Variants in CCDC178 observed in about 807,000 individuals in gnomAD.
CCDC178 encodes coiled-coil domain containing 178, also known as coiled-coil domain-containing protein 178.
In CCDC178, 126 loss-of-function variants were observed where a neutral mutation model predicts 117.4. That is an observed-to-expected ratio of 1.07 (90% CI 0.93 to 1.24). CCDC178 has a LOEUF of 1.24. Among genes scored for constraint, CCDC178 ranks in the 50% most tolerant of loss-of-function variants. The pLI is 0.00. For synonymous variants in CCDC178, 283 were observed against 313.4 expected (o/e 0.90, Z 1.02); for missense variants, 1,030 against 986.9 (o/e 1.04, Z -0.59).
intron 14 of CCDC178, among the ~76,000 whole-genome samples, chr18:33,261,424 CCT>C (rs2059749317): frequency 2.7e-5 from 4 of 150,806 alleles, no homozygotes; most frequent in Admixed American, 6.6e-5. Flanking sequence ...GGTATGCCCC[CCT>C]CTATTGATTT....
At chr18:33,063,014 T>C (rs1378141050) in intron 21 of CCDC178, among the ~76,000 whole-genome samples, 4 of 152,176 alleles carry the variant, frequency 2.6e-5, no homozygotes, top group East Asian at 1.9e-4. Flanking sequence ...CCATCTGCCC[T>C]GGGCCACTGA....
At chr18:33,113,902 G>A (rs1256610061) in intron 20 of CCDC178, among the ~76,000 whole-genome samples, 1 of 151,980 alleles carries the variant, frequency 6.6e-6, no homozygotes, top group Non-Finnish European at 1.5e-5. Flanking sequence ...GTGACCAAAG[G>A]TCATTACAGA....
At chr18:33,029,619 T>C (rs1313603849) in intron 21 of CCDC178, among the ~76,000 whole-genome samples, 1 of 151,996 alleles carries the variant, frequency 6.6e-6, no homozygotes, top group Non-Finnish European at 1.5e-5. Context: ...TTCTTGTTCA[T>C]GTAGGCATTT....
At chr18:33,009,563 T>C (rs910760809) in intron 21 of CCDC178, among the ~76,000 whole-genome samples, 2 of 152,076 alleles carry the variant, frequency 1.3e-5, no homozygotes, top group Non-Finnish European at 2.9e-5. Flanking sequence ...TTATTAAAAC[T>C]ACTCCTTCTC....
chr18:33,003,409 A>C (rs2055682585), intron 21 of CCDC178, among the ~76,000 whole-genome samples: 1 of 152,198 alleles, frequency 6.6e-6, no homozygotes, highest in African/African-American at 2.4e-5. Context: ...GTGATACATC[A>C]TGTCAACAGA....
chr18:33,046,525 C>CAA (rs10648309), intron 21 of CCDC178, among the ~76,000 whole-genome samples: 17,074 of 151,344 alleles, frequency 0.11, 1,336 homozygotes, highest in African/African-American at 0.23. Flanking sequence ...TAAGTATAAG[C>CAA]AAAAAAATAA....
chr18:33,199,192 G>T (rs551366022), intron 20 of CCDC178, among the ~76,000 whole-genome samples: 85 of 151,830 alleles, frequency 5.6e-4, no homozygotes, highest in African/African-American at 2.0e-3. Flanking sequence ...ATACTAGAAG[G>T]TTTAATTGCA....
intron 20 of CCDC178, among the ~76,000 whole-genome samples, chr18:33,202,846 C>T (rs1035066814): frequency 6.6e-6 from 1 of 152,246 alleles, no homozygotes; most frequent in African/African-American, 2.4e-5. Context: ...CCTGTATTCT[C>T]AGCCTTATCT....
chr18:33,148,466 T>G, intron 20 of CCDC178, among the ~76,000 whole-genome samples: 1 of 147,622 alleles, frequency 6.8e-6, no homozygotes. Context: ...AGGGAGACCG[T>G]GGGGAGAGGG....
At chr18:32,974,227 T>C (rs988371458) in intron 22 of CCDC178, among the ~76,000 whole-genome samples, 1 of 152,178 alleles carries the variant, frequency 6.6e-6, no homozygotes, top group African/African-American at 2.4e-5. Flanking sequence ...CAAGGTATCT[T>C]GTGTCAACAT....
At chr18:33,200,559 C>A (rs1318249006) in intron 20 of CCDC178, among the ~76,000 whole-genome samples, 3 of 152,188 alleles carry the variant, frequency 2.0e-5, no homozygotes. Flanking sequence ...GATCTACAAA[C>A]GCTATAAACC....
intron 9 of CCDC178, among the ~76,000 whole-genome samples, chr18:33,342,625 G>C (rs1346140000): frequency 6.6e-6 from 1 of 152,046 alleles, no homozygotes. Flanking sequence ...CATACTCCTG[G>C]GAAGGTGCTA....
At chr18:33,053,500 T>C (rs1346561099) in intron 21 of CCDC178, among the ~76,000 whole-genome samples, 1 of 152,154 alleles carries the variant, frequency 6.6e-6, no homozygotes, top group Non-Finnish European at 1.5e-5. Context: ...GAATTAAGAA[T>C]ATGTTCAGTT....
At chr18:33,405,709 T>C (rs1020328670) in intron 3 of CCDC178, among the ~76,000 whole-genome samples, 1 of 152,056 alleles carries the variant, frequency 6.6e-6, no homozygotes, top group African/African-American at 2.4e-5. Flanking sequence ...AGAAAGTAGA[T>C]GTAGTACAAC....
intron 9 of CCDC178, 145 bp downstream of exon 9, chr18:33,346,066 G>GATCC: frequency 1.8e-6 from 1 of 555,820 alleles, no homozygotes; most frequent in African/African-American, 1.9e-5. Context: ...GGGCTCAAGT[G>GATCC]ATCCGCATCC....
At position 33,085,286 on chromosome 18, in the gene CCDC178, G is replaced by C. The variant is rs564019795; in HGVS notation, c.2388+7475C>G. 4.6e-5 allele frequency among the ~76,000 whole-genome samples: 7 copies of C among 152,310 alleles called. No homozygotes were observed. The East Asian group carries it at 1.4e-3, about 29-fold the overall frequency. ...ATATTTAAAACGTATTTTTGGGGCC[G>C]GGTACGGTGGCTCACGCCTGTAATC... On this transcript the variant is annotated intron_variant, in intron 21 of 22. Transcript: ENST00000383096.
intron 20 of CCDC178, among the ~76,000 whole-genome samples, chr18:33,165,562 T>A (rs535547660): frequency 1.3e-5 from 2 of 152,350 alleles, no homozygotes; most frequent in African/African-American, 4.8e-5. Flanking sequence ...AATTTTCATT[T>A]GAAAGCTCAA....
At chr18:33,005,515 G>T (rs2055728591) in intron 21 of CCDC178, among the ~76,000 whole-genome samples, 1 of 151,964 alleles carries the variant, frequency 6.6e-6, no homozygotes, top group Non-Finnish European at 1.5e-5. Context: ...TAAAAATATA[G>T]TTAGATAAAA....
chr18:33,156,139 A>C lies in CCDC178; in HGVS notation c.2238+55757T>G, dbSNP rs1338276583. Among the ~76,000 whole-genome samples the C allele has an allele frequency of 3.4e-5, 4 of 116,368 alleles. No homozygotes were observed. The East Asian group carries it at 1.1e-3, about 33-fold the overall frequency. 76.3% of individuals were successfully genotyped at this position (116,368 alleles called of 152,430 possible). On this transcript the variant is annotated intron_variant, in intron 20 of 22. Transcript: ENST00000383096. Reference sequence around the variant, plus strand: ...AGTCTCGCACTGTCGCCCAGGGTGGAGTGCAATGGCGTGATCTTGGCTCAC... The same window carrying C: ...AGTCTCGCACTGTCGCCCAGGGTGGCGTGCAATGGCGTGATCTTGGCTCAC...
Sources: gnomAD v4.1 joint callset for allele counts (sites outside exome capture counted in the v4.1 genomes callset) on GRCh38, gnomAD v4.1.1 for gene constraint, MANE v1.5 for transcripts, NCBI Gene and HGNC (gene_info 2026-07-23, HGNC 2026-07-21) for gene names.